The following ARHGAP24 variants were observed in gnomAD, a reference collection of about 807,000 sequenced individuals.
ARHGAP24 encodes the protein Rho GTPase activating protein 24, also known as rho GTPase-activating protein 24.
A neutral mutation model predicts 76.4 loss-of-function variants in ARHGAP24; 50 were observed. That is an observed-to-expected ratio of 0.65 (90% confidence interval 0.52 to 0.83). The LOEUF (loss-of-function observed/expected upper bound fraction) is 0.83, where lower values mean the gene tolerates loss of function less well. ARHGAP24 is among the 40% of genes least tolerant of loss of function. The pLI, the probability that ARHGAP24 is intolerant of heterozygous loss-of-function variation, is 0.00. For missense variants in ARHGAP24, 930 were observed against 914.2 expected (o/e 1.02, Z -0.22); for synonymous variants, 345 against 323.3 (o/e 1.07, Z -0.72).
chr4:85,941,926 T>A (rs1560733813), intron 4 of ARHGAP24, 140 bp from the exon 5 acceptor site: 2 of 827,998 alleles, frequency 2.4e-6, no homozygotes, highest in Non-Finnish European at 3.9e-6. Flanking sequence ...TTTGATTGTA[T>A]AATAATGTGA....
chr4:85,815,207 A>T (rs1340180251), intron 3 of ARHGAP24, among the ~76,000 whole-genome samples: 2 of 151,816 alleles, frequency 1.3e-5, no homozygotes, highest in Non-Finnish European at 2.9e-5. Flanking sequence ...AAGACCTCTG[A>T]CATAACTTGG....
At chr4:85,711,990 A>T (rs1280863720) in intron 2 of ARHGAP24, among the ~76,000 whole-genome samples, 1 of 152,166 alleles carries the variant, frequency 6.6e-6, no homozygotes, top group Non-Finnish European at 1.5e-5. Flanking sequence ...CTGTTTCATA[A>T]TGAGACACAA....
chr4:85,513,600 C>T (rs1051283280), intron 1 of ARHGAP24, among the ~76,000 whole-genome samples: 2 of 151,564 alleles, frequency 1.3e-5, no homozygotes, highest in African/African-American at 4.9e-5. Context: ...GACCTGGTCT[C>T]TTGGTCAGGA....
chr4:85,554,160 G>A (rs555407132), intron 1 of ARHGAP24, among the ~76,000 whole-genome samples: 1 of 152,248 alleles, frequency 6.6e-6, no homozygotes, highest in African/African-American at 2.4e-5. Context: ...TGGAGTTTCC[G>A]CTGAAAGGTT....
intron 3 of ARHGAP24, among the ~76,000 whole-genome samples, chr4:85,751,075 A>G (rs191446081): frequency 3.0e-4 from 46 of 152,388 alleles, no homozygotes; most frequent in Non-Finnish European, 5.6e-4. Context: ...CCAGATTTAT[A>G]GACATATATG....
intron 3 of ARHGAP24, among the ~76,000 whole-genome samples, chr4:85,863,253 A>G (rs1732004910): frequency 1.3e-5 from 2 of 151,952 alleles, no homozygotes; most frequent in South Asian, 4.1e-4. Context: ...TAACTCGTTT[A>G]CTTTCAGGTC....
At chr4:85,666,638 G>C (rs1722630708) in intron 2 of ARHGAP24, among the ~76,000 whole-genome samples, 1 of 152,054 alleles carries the variant, frequency 6.6e-6, no homozygotes, top group Admixed American at 6.5e-5. Context: ...ATCTACTTTT[G>C]GTCTTTGATG....
At chr4:85,965,668 A>C (rs1453205900) in intron 5 of ARHGAP24, among the ~76,000 whole-genome samples, 1 of 152,174 alleles carries the variant, frequency 6.6e-6, no homozygotes, top group Non-Finnish European at 1.5e-5. Flanking sequence ...TGTGAGAATA[A>C]AATATCAATG....
At chr4:85,662,930 A>G (rs1722463337) in intron 2 of ARHGAP24, among the ~76,000 whole-genome samples, 1 of 151,750 alleles carries the variant, frequency 6.6e-6, no homozygotes, top group East Asian at 1.9e-4. Context: ...GCTTTGTAGT[A>G]TAGTTTGAAG....
chr4:85,722,044 G>T, intron 3 of ARHGAP24, 72 bp downstream of exon 3: 2 of 1,378,906 alleles, frequency 1.5e-6, no homozygotes, highest in Non-Finnish European at 2.1e-6. Flanking sequence ...GGTCAGACAG[G>T]TTTCATTCTT....
chr4:85,821,005 G>A (rs1408372765), intron 3 of ARHGAP24, among the ~76,000 whole-genome samples: 8 of 151,972 alleles, frequency 5.3e-5, no homozygotes, highest in African/African-American at 1.2e-4. Context: ...TTTACCTAGT[G>A]TTTTATATCT....
At chr4:85,953,188 T>G (rs1486341827) in intron 5 of ARHGAP24, among the ~76,000 whole-genome samples, 1 of 152,102 alleles carries the variant, frequency 6.6e-6, no homozygotes, top group Non-Finnish European at 1.5e-5. Flanking sequence ...TTTTACACAT[T>G]CTGTCCAAGA....
At chr4:85,676,115 A>G (rs985532134) in intron 2 of ARHGAP24, among the ~76,000 whole-genome samples, 1 of 152,212 alleles carries the variant, frequency 6.6e-6, no homozygotes, top group Non-Finnish European at 1.5e-5. Context: ...TTGATATGGC[A>G]GTTATCATAG....
At chr4:85,969,605 T>C (rs937199305) in intron 5 of ARHGAP24, among the ~76,000 whole-genome samples, 2 of 152,180 alleles carry the variant, frequency 1.3e-5, no homozygotes, top group Non-Finnish European at 2.9e-5. Context: ...AATACTTTAC[T>C]GGAATATTTG....
chr4:85,573,169 G>A (rs962208582), intron 2 of ARHGAP24, among the ~76,000 whole-genome samples: 7 of 152,092 alleles, frequency 4.6e-5, no homozygotes, highest in South Asian at 2.1e-4. Flanking sequence ...GAGTCACTGC[G>A]CCCAGCCTTG....
At chr4:85,789,329 T>C (rs1728008785) in intron 3 of ARHGAP24, among the ~76,000 whole-genome samples, 2 of 150,810 alleles carry the variant, frequency 1.3e-5, no homozygotes, top group African/African-American at 2.4e-5. Flanking sequence ...CTACAGAGAA[T>C]CAAAGAAAAG....
intron 3 of ARHGAP24, among the ~76,000 whole-genome samples, chr4:85,768,487 C>G (rs1250319502): frequency 3.3e-5 from 5 of 152,088 alleles, no homozygotes; most frequent in African/African-American, 4.8e-5. Flanking sequence ...GCCTGTAATC[C>G]CAGCACTTTG....
At chr4:85,653,670 C>T (rs183500698) in intron 2 of ARHGAP24, among the ~76,000 whole-genome samples, 3 of 151,950 alleles carry the variant, frequency 2.0e-5, no homozygotes, top group African/African-American at 7.2e-5. Flanking sequence ...TTTTTAGCAG[C>T]GAGGGGGTTT....
chr4:85,718,923 G>C (rs1724829867), intron 2 of ARHGAP24, among the ~76,000 whole-genome samples: 1 of 152,114 alleles, frequency 6.6e-6, no homozygotes, highest in Admixed American at 6.6e-5. Flanking sequence ...CTAGTGCGTT[G>C]CTTGAATTCA....
Sources: allele counts gnomAD v4.1 joint callset (sites outside exome capture counted in the v4.1 genomes callset), GRCh38; gene constraint gnomAD v4.1.1; transcripts MANE v1.5; gene names NCBI Gene and HGNC (gene_info 2026-07-23, HGNC 2026-07-21).